The following AGBL1 variants were observed in gnomAD, a reference collection of about 807,000 sequenced individuals.
AGBL1 encodes the protein AGBL carboxypeptidase 1, also known as cytosolic carboxypeptidase 4.
In AGBL1, 130 loss-of-function variants were observed where a neutral mutation model predicts 118.9. The observed-to-expected ratio is 1.09, with a 90% confidence interval of 0.95 to 1.26. The LOEUF (loss-of-function observed/expected upper bound fraction) is 1.26. Ranked by LOEUF, AGBL1 falls within the 50% of genes most tolerant of loss-of-function variation. The probability of loss-of-function intolerance (pLI) is 0.00; values close to 1 mark genes in which losing one functional copy is unlikely to be tolerated. For missense variants in AGBL1, 1,584 were observed against 1,298.1 expected (o/e 1.22, Z -3.38); for synonymous variants, 555 against 478.9 (o/e 1.16, Z -2.08).
intron 22 of AGBL1, among the ~76,000 whole-genome samples, chr15:86,867,039 A>G (rs2079641881): frequency 6.6e-6 from 1 of 152,190 alleles, no homozygotes; most frequent in Non-Finnish European, 1.5e-5. Flanking sequence ...GGAGACATCT[A>G]TCATATCAGT....
At chr15:86,614,359 C>A (rs779938925) in intron 21 of AGBL1, among the ~76,000 whole-genome samples, 1 of 151,728 alleles carries the variant, frequency 6.6e-6, no homozygotes, top group Non-Finnish European at 1.5e-5. Context: ...ATACCCAATA[C>A]CTGGAATACT....
At chr15:86,755,839 A>G (rs974800756) in intron 22 of AGBL1, among the ~76,000 whole-genome samples, 4 of 152,176 alleles carry the variant, frequency 2.6e-5, no homozygotes, top group Admixed American at 2.0e-4. Flanking sequence ...CTTCACCCTT[A>G]AGAAGGAAGG....
intron 21 of AGBL1, among the ~76,000 whole-genome samples, chr15:86,629,506 C>G (rs2142431750): frequency 6.6e-6 from 1 of 152,278 alleles, no homozygotes; most frequent in African/African-American, 2.4e-5. Context: ...CTATAGCACT[C>G]AAACCCCACA....
At chr15:86,436,604 G>A (rs781267551) in intron 18 of AGBL1, among the ~76,000 whole-genome samples, 5 of 152,084 alleles carry the variant, frequency 3.3e-5, no homozygotes, top group South Asian at 2.1e-4. Context: ...ATAGAGTGAC[G>A]AAGACCAGAG....
At chr15:86,733,647 A>G (rs1289358919) in intron 22 of AGBL1, among the ~76,000 whole-genome samples, 1 of 152,176 alleles carries the variant, frequency 6.6e-6, no homozygotes, top group Non-Finnish European at 1.5e-5. Context: ...TTGACTGTTT[A>G]CTATGTAGAA....
At position 86,856,786 on chromosome 15, in the gene AGBL1, A is replaced by G. The variant is rs1039374896; in HGVS notation, c.3159-50301A>G. The stretch of plus-strand genomic sequence containing the variant: ...AAGCTTAGAGCCAGAACTGCATTAC[A>G]CGCTTAGATATTTTGTTTCCTCTTA... On this transcript the variant is annotated intron_variant, in intron 22 of 22. Coordinates refer to ENST00000614907, the MANE Select transcript of AGBL1 (RefSeq NM_001386094.1). Among the ~76,000 whole-genome samples the G allele has an allele frequency of 1.4e-4, 22 of 152,338 alleles. 1 individual carries two copies. In the East Asian group the frequency reaches 4.0e-3, roughly 28 times the overall value.
At chr15:86,355,915 T>A (rs2080707300) in intron 17 of AGBL1, among the ~76,000 whole-genome samples, 1 of 152,162 alleles carries the variant, frequency 6.6e-6, no homozygotes, top group Non-Finnish European at 1.5e-5. Flanking sequence ...TTTGCAAACA[T>A]CCTGATTATA....
intron 17 of AGBL1, among the ~76,000 whole-genome samples, 194 bp from the exon 18 acceptor site, chr15:86,397,172 G>C (rs1003694700): frequency 1.3e-5 from 2 of 151,680 alleles, no homozygotes; most frequent in African/African-American, 2.4e-5. Flanking sequence ...GTATGAGTAA[G>C]ATCGTATCCC....
chr15:86,328,808 CTA>C (rs1415404753), intron 17 of AGBL1, among the ~76,000 whole-genome samples: 1 of 152,190 alleles, frequency 6.6e-6, no homozygotes, highest in African/African-American at 2.4e-5. Flanking sequence ...CTTGAAGACA[CTA>C]TGAGGGAAAG....
intron 17 of AGBL1, among the ~76,000 whole-genome samples, chr15:86,301,326 T>C (rs2079741414): frequency 6.6e-6 from 1 of 151,958 alleles, no homozygotes; most frequent in Non-Finnish European, 1.5e-5. Flanking sequence ...GGACATGAGC[T>C]GGACTATCTA....
intron 22 of AGBL1, among the ~76,000 whole-genome samples, chr15:86,740,962 C>A (rs908987263): frequency 1.3e-5 from 2 of 152,042 alleles, no homozygotes; most frequent in African/African-American, 2.4e-5. Context: ...CTCAAGTATA[C>A]CTGCTCAACC....
At chr15:86,411,929 G>A (rs2081626572) in intron 18 of AGBL1, among the ~76,000 whole-genome samples, 2 of 152,116 alleles carry the variant, frequency 1.3e-5, no homozygotes, top group African/African-American at 4.8e-5. Flanking sequence ...ACCCTGCTTA[G>A]GAGATTGTGT....
intron 24 of AGBL1, among the ~76,000 whole-genome samples, chr15:87,013,102 G>A (rs1015288587): frequency 6.6e-6 from 1 of 152,162 alleles, no homozygotes; most frequent in Non-Finnish European, 1.5e-5. Context: ...GAATTCCCAA[G>A]TAATTGCGGT....
intron 5 of AGBL1, among the ~76,000 whole-genome samples, chr15:86,203,233 C>T (rs574175120): frequency 4.5e-4 from 69 of 152,136 alleles, no homozygotes; most frequent in African/African-American, 1.5e-3. Flanking sequence ...GGTACAGATT[C>T]GTTTTTGAAA....
At position 86,436,585 on chromosome 15, in the gene AGBL1, G is replaced by A. The variant is rs1410796523; in HGVS notation, c.2555+39039G>A. Among the ~76,000 whole-genome samples, 8 of 152,148 alleles carry A rather than the reference G, an allele frequency of 5.3e-5. No homozygotes were observed. The East Asian group carries it at 1.5e-3, about 29-fold the overall frequency. On this transcript the variant is annotated intron_variant, in intron 18 of 22. Coordinates refer to ENST00000614907, the MANE Select transcript of AGBL1 (RefSeq NM_001386094.1). ...CACTAGGTGACAAGCACTGTGCTAA[G>A]CATTGTAAATAGAGTGACGAAGACC...
At chr15:86,866,365 A>G (rs185876102) in intron 22 of AGBL1, among the ~76,000 whole-genome samples, 4 of 152,276 alleles carry the variant, frequency 2.6e-5, no homozygotes, top group African/African-American at 7.2e-5. Context: ...TCATGTCGCT[A>G]TGGCATTGAT....
intron 22 of AGBL1, among the ~76,000 whole-genome samples, chr15:86,861,227 T>C (rs1445031497): frequency 6.6e-6 from 1 of 152,140 alleles, no homozygotes; most frequent in African/African-American, 2.4e-5. Flanking sequence ...GCACCAACCA[T>C]AGGCAATAAC....
downstream of AGBL1, among the ~76,000 whole-genome samples, chr15:86,917,711 G>A (rs567586473): frequency 6.6e-6 from 1 of 152,114 alleles, no homozygotes; most frequent in Non-Finnish European, 1.5e-5. The surrounding 1 kb of genome is among the most constrained non-coding windows in gnomAD (Gnocchi z 4.8). Flanking sequence ...ATGAAAAGCT[G>A]CTCTGCTGTG....
chr15:86,240,078 C>T (rs1006463071), intron 6 of AGBL1, among the ~76,000 whole-genome samples: 6 of 152,142 alleles, frequency 3.9e-5, no homozygotes, highest in Non-Finnish European at 8.8e-5. Context: ...TCATTTGAAT[C>T]CTAGATATGC....
Sources: gnomAD v4.1 joint callset for allele counts (sites outside exome capture counted in the v4.1 genomes callset) on GRCh38, gnomAD v4.1.1 for gene constraint, Gnocchi (gnomAD v3.1) non-coding constraint, MANE v1.5 for transcripts, NCBI Gene and HGNC (gene_info 2026-07-23, HGNC 2026-07-21) for gene names.